LRFN2: variants seen among roughly 807,000 people sequenced by gnomAD.
The protein encoded by LRFN2 is leucine-rich repeat and fibronectin type-III domain-containing protein 2.
A neutral mutation model predicts 37.3 loss-of-function variants in LRFN2; 18 were observed. The observed-to-expected ratio is 0.48, with a 90% CI of 0.33 to 0.72. LRFN2 has a LOEUF of 0.72. Among genes scored for constraint, LRFN2 ranks in the 30% least tolerant of loss-of-function variants. The pLI is 0.02. For missense variants in LRFN2, 1,006 were observed against 1,060.7 expected (o/e 0.95, Z 0.72); for synonymous variants, 556 against 466.6 (o/e 1.19, Z -2.47).
chr6:40,407,108 C>T (rs1762863071), intron 2 of LRFN2, among the ~76,000 whole-genome samples: 1 of 152,206 alleles, frequency 6.6e-6, no homozygotes, highest in Admixed American at 6.5e-5. Context: ...ATTGCTTAAA[C>T]AGTGTCCCCA....
intron 1 of LRFN2, among the ~76,000 whole-genome samples, chr6:40,534,473 T>C (rs1766412578): frequency 6.6e-6 from 1 of 152,038 alleles, no homozygotes; most frequent in Non-Finnish European, 1.5e-5. Context: ...GCTTTGGCAG[T>C]ACCTGGCTCT....
At chr6:40,539,921 C>T (rs1374979939) in intron 1 of LRFN2, among the ~76,000 whole-genome samples, 1 of 152,096 alleles carries the variant, frequency 6.6e-6, no homozygotes. Context: ...GGATAATCCT[C>T]CCCTCTTCCA....
At chr6:40,478,716 TC>T (rs1226355296) in intron 1 of LRFN2, among the ~76,000 whole-genome samples, 4 of 152,344 alleles carry the variant, frequency 2.6e-5, no homozygotes, top group African/African-American at 9.6e-5. Context: ...TTCCTTCCTG[TC>T]TGACCATGCT....
intron 1 of LRFN2, among the ~76,000 whole-genome samples, chr6:40,576,364 C>T (rs1017456870): frequency 6.6e-6 from 1 of 152,154 alleles, no homozygotes; most frequent in Admixed American, 6.5e-5. Context: ...AAAGGCCGAG[C>T]AGAACAGGGA....
chr6:40,538,732 C>T (rs543432096), intron 1 of LRFN2, among the ~76,000 whole-genome samples: 2 of 152,382 alleles, frequency 1.3e-5, no homozygotes, highest in Admixed American at 6.5e-5. Flanking sequence ...CAGCGCAGCC[C>T]CTCTCCACCT....
At chr6:40,555,775 T>C (rs1209804549) in intron 1 of LRFN2, among the ~76,000 whole-genome samples, 1 of 152,050 alleles carries the variant, frequency 6.6e-6, no homozygotes, top group East Asian at 1.9e-4. Context: ...TGAGATTCAG[T>C]GGGGAGTCTG....
intron 1 of LRFN2, among the ~76,000 whole-genome samples, chr6:40,481,269 C>T (rs2113863630): frequency 6.6e-6 from 1 of 152,092 alleles, no homozygotes; most frequent in East Asian, 1.9e-4. Context: ...AACTCCATCT[C>T]TACAAAAAAT....
At chr6:40,421,610 A>G (rs1020868432) in intron 2 of LRFN2, among the ~76,000 whole-genome samples, 1 of 152,208 alleles carries the variant, frequency 6.6e-6, no homozygotes, top group African/African-American at 2.4e-5. Flanking sequence ...TTCAGAGAAA[A>G]TAGATTGTAA....
At chr6:40,509,801 G>T (rs989658152) in intron 1 of LRFN2, among the ~76,000 whole-genome samples, 2 of 151,588 alleles carry the variant, frequency 1.3e-5, no homozygotes, top group African/African-American at 4.9e-5. Context: ...GTGCATGCGT[G>T]CCAGTATGCC....
At chr6:40,569,364 G>A (rs977682928) in intron 1 of LRFN2, among the ~76,000 whole-genome samples, 6 of 152,300 alleles carry the variant, frequency 3.9e-5, no homozygotes, top group Non-Finnish European at 8.8e-5. Flanking sequence ...CATAAATGAG[G>A]AAGTGGGCCT....
intron 1 of LRFN2, among the ~76,000 whole-genome samples, chr6:40,479,985 T>A (rs1398926620): frequency 6.6e-6 from 1 of 152,272 alleles, no homozygotes; most frequent in South Asian, 2.1e-4. Context: ...GATGTTTGAA[T>A]GCAGACACGA....
Position 40,562,224 on chromosome 6 carries a change from G to A in LRFN2, c.-19+24717C>T, listed in dbSNP as rs546965064. On this transcript the variant is annotated intron_variant, in intron 1 of 2. Transcript: ENST00000338305. ...CTATAGCAATCACAGAAGGCTTCCT[G>A]TGGATGGTGGTTAGGGTCAGGTAGA... 2.6e-4 allele frequency among the ~76,000 whole-genome samples: 40 copies of A among 152,288 alleles called. 1 individual carries two copies. In the South Asian group the frequency reaches 8.3e-3, roughly 32 times the overall value.
chr6:40,509,851 C>T (rs780161063), intron 1 of LRFN2, among the ~76,000 whole-genome samples: 33 of 143,236 alleles, frequency 2.3e-4, no homozygotes, highest in Middle Eastern at 8.7e-3. Context: ...GCTGAGTGCA[C>T]GCATGTGAGT....
intron 1 of LRFN2, among the ~76,000 whole-genome samples, chr6:40,531,374 G>A (rs1347072437): frequency 6.6e-6 from 1 of 152,150 alleles, no homozygotes; most frequent in Non-Finnish European, 1.5e-5. Flanking sequence ...GCATTTCTGA[G>A]TCTCCAGTCC....
rs201498207 is a variant in LRFN2 at position 40,391,920 on chromosome 6, A to T, written c.*23T>A. 1.3e-6 allele frequency: 2 copies of T among 1,518,506 alleles called. No individual in the cohort carries two copies. Among genetic ancestry groups the T allele is most frequent in the East Asian group, 4.7e-5 (2 of 42,718 alleles). The allele number at this position is 1,518,506 out of a possible 1,614,324, so 94.1% of individuals were successfully genotyped here. A position where few individuals can be genotyped will look rare whatever the true frequency, so the allele number is the denominator to read the frequency against. ...CCCCTTCTCCCACCCTGCGCACAGG[A>T]AAGGGAGCATGCCCACCCCCACCTA... On this transcript the variant is annotated 3_prime_UTR_variant, in exon 3 of 3. Transcript: ENST00000338305.
At chr6:40,553,622 T>G (rs1478301169) in intron 1 of LRFN2, among the ~76,000 whole-genome samples, 1 of 152,212 alleles carries the variant, frequency 6.6e-6, no homozygotes, top group Non-Finnish European at 1.5e-5. Context: ...AGCCAGCACA[T>G]AGCAAATGCT....
At chr6:40,513,065 G>C (rs977723806) in intron 1 of LRFN2, among the ~76,000 whole-genome samples, 1 of 152,190 alleles carries the variant, frequency 6.6e-6, no homozygotes, top group Admixed American at 6.5e-5. Context: ...CAACTGCTGG[G>C]ACGCAGAGGT....
chr6:40,443,230 C>T (rs1763885292), intron 1 of LRFN2, among the ~76,000 whole-genome samples: 1 of 152,110 alleles, frequency 6.6e-6, no homozygotes, highest in African/African-American at 2.4e-5. Flanking sequence ...TATAGGAAAC[C>T]AAGATACACA....
chr6:40,561,237 CAGAAA>C (rs1330995621), intron 1 of LRFN2, among the ~76,000 whole-genome samples: 2 of 152,112 alleles, frequency 1.3e-5, no homozygotes, highest in South Asian at 2.1e-4. Context: ...TTCAGGGGAA[CAGAAA>C]AGAAAAGACA....
Sources: allele counts gnomAD v4.1 joint callset (sites outside exome capture counted in the v4.1 genomes callset), GRCh38; gene constraint gnomAD v4.1.1; transcripts MANE v1.5; gene names NCBI Gene and HGNC (gene_info 2026-07-23, HGNC 2026-07-21).